The following GALNTL5 variants were observed in gnomAD, a reference collection of about 807,000 sequenced individuals.
GALNTL5 encodes the protein inactive polypeptide N-acetylgalactosaminyltransferase-like protein 5.
A neutral mutation model predicts 51.0 loss-of-function variants in GALNTL5; 44 were observed. That is an observed-to-expected ratio of 0.86 (90% CI 0.68 to 1.11). The LOEUF is 1.11. GALNTL5 is among the 50% of genes least tolerant of loss of function. GALNTL5 has a pLI of 0.00. For synonymous variants in GALNTL5, 192 were observed against 182.8 expected, an observed-to-expected ratio of 1.05 and a Z score of -0.41; for missense variants, 528 against 531.8, an observed-to-expected ratio of 0.99 and a Z score of 0.07.
chr7:151,986,383 C>T (rs754443400), intron 4 of GALNTL5, among the ~76,000 whole-genome samples: 14 of 152,078 alleles, frequency 9.2e-5, no homozygotes, highest in Non-Finnish European at 5.9e-5. Context: ...GCCTATAATC[C>T]CAGAACTTTG....
intron 7 of GALNTL5, 118 bp from the exon 8 acceptor site, chr7:152,014,526 C>T: frequency 3.0e-6 from 3 of 1,007,158 alleles, no homozygotes; most frequent in Non-Finnish European, 4.3e-6. Flanking sequence ...CCTTGGCCTC[C>T]CAAAATGCTG....
At chr7:151,965,216 T>C (rs1242914125) in intron 1 of GALNTL5, among the ~76,000 whole-genome samples, 6 of 152,196 alleles carry the variant, frequency 3.9e-5, no homozygotes, top group Admixed American at 3.9e-4. Flanking sequence ...AGCAGCCTTG[T>C]TTCCACATCA....
chr7:151,972,215 T>C (rs1182289841), intron 3 of GALNTL5, among the ~76,000 whole-genome samples: 1 of 152,212 alleles, frequency 6.6e-6, no homozygotes, highest in Non-Finnish European at 1.5e-5. Flanking sequence ...AAGTCCAGGC[T>C]GAGGTGGTCT....
intron 3 of GALNTL5, among the ~76,000 whole-genome samples, chr7:151,974,551 T>G (rs2081185109): frequency 6.6e-6 from 1 of 152,234 alleles, no homozygotes; most frequent in Admixed American, 6.5e-5. Context: ...ACTCATGATG[T>G]GGTACACTCA....
At chr7:152,014,504 G>A (rs1374192163) in intron 7 of GALNTL5, 140 bp from the exon 8 acceptor site, 1 of 692,258 alleles carries the variant, frequency 1.4e-6, no homozygotes, top group South Asian at 2.1e-5. Context: ...CCTTCCTTAG[G>A]TGATCTGACT....
chr7:151,957,570 A>AG (rs2080941569), intron 1 of GALNTL5, among the ~76,000 whole-genome samples: 2 of 151,740 alleles, frequency 1.3e-5, no homozygotes, highest in African/African-American at 4.8e-5. Flanking sequence ...AGAAAAGAAA[A>AG]AAAAAAAGAA....
intron 6 of GALNTL5, among the ~76,000 whole-genome samples, chr7:152,003,521 G>A (rs973100517): frequency 2.6e-5 from 4 of 152,204 alleles, no homozygotes; most frequent in South Asian, 4.1e-4. Context: ...TCTTAGGATC[G>A]TTGAGGGGAT....
intron 7 of GALNTL5, among the ~76,000 whole-genome samples, chr7:152,012,956 A>C (rs1412365990): frequency 1.3e-5 from 2 of 152,002 alleles, no homozygotes; most frequent in Non-Finnish European, 2.9e-5. Context: ...AAAAACAAAA[A>C]CCAGTGGACT....
intron 5 of GALNTL5, among the ~76,000 whole-genome samples, chr7:151,990,423 AC>A (rs2081412324): frequency 6.6e-6 from 1 of 151,338 alleles, no homozygotes; most frequent in African/African-American, 2.4e-5. Flanking sequence ...TACTAAAAAT[AC>A]AAAAATATTA....
intron 7 of GALNTL5, among the ~76,000 whole-genome samples, chr7:152,011,056 C>G (rs951929026): frequency 1.3e-5 from 2 of 152,248 alleles, no homozygotes; most frequent in East Asian, 3.9e-4. Context: ...GTGGAGAAAC[C>G]GAGCCACAGA....
chr7:151,978,869 A>G (rs910165545), intron 3 of GALNTL5, among the ~76,000 whole-genome samples: 25 of 152,174 alleles, frequency 1.6e-4, no homozygotes, highest in South Asian at 2.1e-4. Flanking sequence ...GCCTACCCTA[A>G]TGAGCTCACC....
chr7:152,008,001 A>T (rs931450060), intron 7 of GALNTL5, 57 bp downstream of exon 7: 8 of 936,480 alleles, frequency 8.5e-6, no homozygotes, highest in Non-Finnish European at 1.4e-5. Flanking sequence ...ACTTTGTCAC[A>T]TACAATGCTG....
chr7:151,956,899 G>A (rs1206245600), intron 1 of GALNTL5, among the ~76,000 whole-genome samples: 1 of 152,040 alleles, frequency 6.6e-6, no homozygotes, highest in Non-Finnish European at 1.5e-5. Context: ...TACAGTGACT[G>A]TATTACTTAT....
intron 8 of GALNTL5, among the ~76,000 whole-genome samples, chr7:152,015,473 C>A (rs2081798262): frequency 6.6e-6 from 1 of 151,898 alleles, no homozygotes; most frequent in African/African-American, 2.4e-5. Flanking sequence ...GATCCTCCTG[C>A]CTCAGCCTCT....
intron 8 of GALNTL5, among the ~76,000 whole-genome samples, 173 bp from the exon 9 acceptor site, chr7:152,019,473 C>T (rs552387075): frequency 1.3e-5 from 2 of 152,214 alleles, no homozygotes; most frequent in East Asian, 1.9e-4. Context: ...TGGGTAAATC[C>T]GAGGTCCCAT....
intron 2 of GALNTL5, among the ~76,000 whole-genome samples, chr7:151,970,214 TG>T (rs1411257401): frequency 8.6e-6 from 1 of 115,794 alleles, no homozygotes; most frequent in Non-Finnish European, 1.9e-5. Flanking sequence ...GGGCGGGGGG[TG>T]GGGGTGGGCT....
rs55666718 is a variant in GALNTL5, at chr7:151,994,762, A to ATT, written c.658+7495_658+7496dup. The stretch of plus-strand genomic sequence containing the variant: ...CTCTCTATCATCACCCTTACCCCCA[A>ATT]TTTTTTTTTTTTTTTGACAGAGTCT... On this transcript the variant is annotated intron_variant, in intron 5 of 8. Coordinates refer to ENST00000392800, the MANE Select transcript of GALNTL5 (RefSeq NM_145292.4). Among the ~76,000 whole-genome samples, 331 of 144,186 alleles carry ATT rather than the reference A, an allele frequency of 2.3e-3. 2 individuals carry two copies. Among genetic ancestry groups the ATT allele is most frequent in the African/African-American group, 8.2e-3 (320 of 38,870 alleles). The allele number at this position is 144,186 out of a possible 152,430, so 94.6% of individuals were successfully genotyped here. A position where few individuals can be genotyped will look rare whatever the true frequency, so the allele number is the denominator to read the frequency against.
chr7:151,968,607 G>T (rs2081089153), intron 2 of GALNTL5, among the ~76,000 whole-genome samples: 1 of 152,214 alleles, frequency 6.6e-6, no homozygotes, highest in Non-Finnish European at 1.5e-5. Context: ...AGAAAGGAGA[G>T]AAACAGCAAA....
At chr7:152,010,722 C>T (rs573611936) in intron 7 of GALNTL5, among the ~76,000 whole-genome samples, 1 of 151,376 alleles carries the variant, frequency 6.6e-6, no homozygotes, top group Admixed American at 6.6e-5. Context: ...GAGCCGAGAT[C>T]GTGCCACTGC....
Sources: allele counts gnomAD v4.1 joint callset (sites outside exome capture counted in the v4.1 genomes callset), GRCh38; gene constraint gnomAD v4.1.1; transcripts MANE v1.5; gene names NCBI Gene and HGNC (gene_info 2026-07-23, HGNC 2026-07-21).